HMGB1: variants seen among roughly 807,000 people sequenced by gnomAD.
The protein encoded by HMGB1 is high mobility group box 1, also known as high mobility group protein B1.
For missense variants in HMGB1, 79 were observed against 253.5 expected (o/e 0.31, Z 4.67); for synonymous variants, 81 against 84.0 (o/e 0.96, Z 0.19).
At chr13:30,603,040 G>A (rs1217093037) in intron 1 of HMGB1, among the ~76,000 whole-genome samples, 1 of 152,180 alleles carries the variant, frequency 6.6e-6, no homozygotes. Context: ...TTCCTGGGCT[G>A]AAGCAATCTG....
upstream of HMGB1, among the ~76,000 whole-genome samples, chr13:30,466,557 C>A (rs890693249): frequency 6.6e-6 from 1 of 152,200 alleles, no homozygotes; most frequent in African/African-American, 2.4e-5. Flanking sequence ...TTAAAATACC[C>A]CTTTTCTGGG....
intron 1 of HMGB1, among the ~76,000 whole-genome samples, chr13:30,610,095 G>C (rs1950499728): frequency 6.6e-6 from 1 of 151,896 alleles, no homozygotes; most frequent in Non-Finnish European, 1.5e-5. Flanking sequence ...GATTTTCTTA[G>C]TAACTTTTTT....
intron 2 of HMGB1, 22 bp from the exon 3 acceptor site, chr13:30,463,374 G>A: frequency 6.3e-7 from 1 of 1,580,530 alleles, no homozygotes. Flanking sequence ...TTATTTGTAA[G>A]TTTAAGTTGT....
At chr13:30,573,807 C>T (rs147923301) in intron 1 of HMGB1, among the ~76,000 whole-genome samples, 140 of 152,234 alleles carry the variant, frequency 9.2e-4, no homozygotes, top group Admixed American at 1.2e-3. Flanking sequence ...TGCGCCAACA[C>T]GTCCAGCTAA....
chr13:30,564,648 T>C (rs1172799887), intron 1 of HMGB1, among the ~76,000 whole-genome samples: 4 of 152,250 alleles, frequency 2.6e-5, no homozygotes, highest in African/African-American at 9.6e-5. Flanking sequence ...AGTGGCAATA[T>C]TCCAGAAGTC....
intron 1 of HMGB1, among the ~76,000 whole-genome samples, chr13:30,596,594 G>C (rs2137558827): frequency 6.6e-6 from 1 of 152,326 alleles, no homozygotes; most frequent in East Asian, 1.9e-4. Flanking sequence ...GTTGTGACTA[G>C]AACCTGTTGA....
chr13:30,540,446 C>T lies in HMGB1; in HGVS notation c.-15+76225G>A, dbSNP rs117523181. The T allele has an allele frequency of 2.3e-4, 36 of 153,650 alleles. 1 individual carries two copies. In the East Asian group the frequency reaches 7.0e-3, roughly 30 times the overall value. The allele number at this position is 153,650 out of a possible 1,614,324, so 9.5% of individuals were successfully genotyped here. On this transcript the variant is annotated intron_variant, in intron 1 of 4. Coordinates refer to the HMGB1 transcript ENST00000405805. ...CTCCATATTCTGTGTGTAGAACCCT[C>T]GGTTGACATCTGACTTTGGCACATT...
At chr13:30,505,324 G>A (rs967427656) in intron 1 of HMGB1, among the ~76,000 whole-genome samples, 3 of 152,010 alleles carry the variant, frequency 2.0e-5, no homozygotes, top group African/African-American at 4.8e-5. Flanking sequence ...GATTACAGGT[G>A]CGTGCCACCA....
chr13:30,609,962 A>C (rs898792148), intron 1 of HMGB1, among the ~76,000 whole-genome samples: 6 of 152,244 alleles, frequency 3.9e-5, no homozygotes, highest in African/African-American at 1.4e-4. Flanking sequence ...CGATGTACAT[A>C]AACATTTTCT....
At chr13:30,589,252 G>C (rs1196426733) in intron 1 of HMGB1, among the ~76,000 whole-genome samples, 1 of 152,026 alleles carries the variant, frequency 6.6e-6, no homozygotes, top group Non-Finnish European at 1.5e-5. Context: ...TGATCCACCC[G>C]CCTCAGCCTC....
chr13:30,545,875 T>A (rs1277854161), intron 1 of HMGB1, among the ~76,000 whole-genome samples: 1 of 152,124 alleles, frequency 6.6e-6, no homozygotes, highest in Non-Finnish European at 1.5e-5. Context: ...CAAATTTTTG[T>A]GTTTTTTATA....
intron 1 of HMGB1, among the ~76,000 whole-genome samples, chr13:30,555,033 GTTTTTTT>G (rs1007919529): frequency 4.1e-5 from 3 of 72,412 alleles, no homozygotes; most frequent in Non-Finnish European, 7.1e-5. Context: ...GTGTCGTTGT[GTTTTTTT>G]TTTTTTTTTT....
rs1184668274 is a variant in HMGB1 at position 30,457,157 on chromosome 13, A to C, written c.*4200T>G. 5.9e-5 allele frequency: 9 copies of C among 152,142 alleles called. No individual in the cohort carries two copies. In the East Asian group the frequency reaches 1.7e-3, roughly 29 times the overall value. The allele number at this position is 152,142 out of a possible 1,614,324, so 9.4% of individuals were successfully genotyped here. A position where few individuals can be genotyped will look rare whatever the true frequency, so the allele number is the denominator to read the frequency against. On this transcript the variant is annotated 3_prime_UTR_variant, in exon 5 of 5. Coordinates refer to ENST00000341423, the MANE Select transcript of HMGB1 (RefSeq NM_002128.7). ...AAAATGGTATTTAGTATATCTGCAA[A>C]ATTATTTATTTCTAGTAGACAAGGC...
At chr13:30,461,591 A>ACT in intron 4 of HMGB1, 58 bp from the exon 5 acceptor site, 1 of 1,571,440 alleles carries the variant, frequency 6.4e-7, no homozygotes, top group Non-Finnish European at 8.6e-7. Flanking sequence ...AAGGAAAGAA[A>ACT]TAGAACATGG....
At chr13:30,599,529 A>C (rs1314440065) in intron 1 of HMGB1, among the ~76,000 whole-genome samples, 1 of 152,182 alleles carries the variant, frequency 6.6e-6, no homozygotes, top group Non-Finnish European at 1.5e-5. Flanking sequence ...TAGCTGGACC[A>C]ACAGAAATTT....
chr13:30,480,754 T>C (rs901293967), intron 1 of HMGB1, among the ~76,000 whole-genome samples: 3 of 152,064 alleles, frequency 2.0e-5, no homozygotes, highest in Non-Finnish European at 4.4e-5. Context: ...CTCCTTTTTC[T>C]GTCTCCTCCC....
At chr13:30,608,387 C>T (rs892899397) in intron 1 of HMGB1, among the ~76,000 whole-genome samples, 3 of 152,092 alleles carry the variant, frequency 2.0e-5, no homozygotes, top group Non-Finnish European at 2.9e-5. Flanking sequence ...AAAATCACAG[C>T]AACCCGATGC....
chr13:30,461,755 C>T, intron 4 of HMGB1: 4 of 1,169,652 alleles, frequency 3.4e-6, no homozygotes, highest in Non-Finnish European at 4.9e-6. Context: ...ATGGCATAGT[C>T]TAATATTTGC....
At chr13:30,519,438 G>C (rs1440237821) in intron 1 of HMGB1, among the ~76,000 whole-genome samples, 2 of 150,988 alleles carry the variant, frequency 1.3e-5, no homozygotes, top group South Asian at 4.2e-4. Flanking sequence ...GTTCACGCCT[G>C]TAATCCCAGC....
Sources: allele counts gnomAD v4.1 joint callset (sites outside exome capture counted in the v4.1 genomes callset), GRCh38; gene constraint gnomAD v4.1.1; transcripts MANE v1.5; gene names NCBI Gene and HGNC (gene_info 2026-07-23, HGNC 2026-07-21).